The following RAPGEF6 variants were observed in gnomAD, a reference collection of about 807,000 sequenced individuals.
RAPGEF6 encodes Rap guanine nucleotide exchange factor 6.
Under a neutral mutation model 171.4 loss-of-function variants are expected in RAPGEF6, and 56 were observed. The ratio of observed to expected loss-of-function variants is 0.33; its 90% CI spans 0.26 to 0.41. RAPGEF6 has a LOEUF of 0.41. Ranked by LOEUF, RAPGEF6 falls within the 10% of genes least tolerant of loss-of-function variation. The pLI, the probability that RAPGEF6 is intolerant of heterozygous loss-of-function variation, is 1.00. For synonymous variants in RAPGEF6, 692 were observed against 650.1 expected, an observed-to-expected ratio of 1.06 and a Z score of -0.98; for missense variants, 1,674 against 1,921.4, an observed-to-expected ratio of 0.87 and a Z score of 2.41.
chr5:131,460,947 A>C (rs1753883877), intron 19 of RAPGEF6, among the ~76,000 whole-genome samples: 2 of 152,218 alleles, frequency 1.3e-5, no homozygotes, highest in Admixed American at 6.5e-5. Flanking sequence ...TTATAAGCAC[A>C]TCATGGCCTT....
intron 1 of RAPGEF6, among the ~76,000 whole-genome samples, chr5:131,606,029 C>CAAAAAAAAAAAAAAAAAAAAA (rs1168486376): frequency 2.8e-5 from 2 of 70,554 alleles, no homozygotes; most frequent in Admixed American, 1.6e-4. Flanking sequence ...GACTCCATCT[C>CAAAAAAAAAAAAAAAAAAAAA]AAAAAAAAAA....
At chr5:131,521,922 C>G (rs778079911) in intron 6 of RAPGEF6, among the ~76,000 whole-genome samples, 1 of 151,400 alleles carries the variant, frequency 6.6e-6, no homozygotes, top group Non-Finnish European at 1.5e-5. Context: ...CACACTCACT[C>G]TCCCTCCCTC....
intron 3 of RAPGEF6, 61 bp downstream of exon 3, chr5:131,603,210 G>T: frequency 8.4e-7 from 1 of 1,191,694 alleles, no homozygotes; most frequent in African/African-American, 1.5e-5. Flanking sequence ...GAATTTCAAT[G>T]CTAAGAGTTA....
intron 1 of RAPGEF6, among the ~76,000 whole-genome samples, chr5:131,614,539 T>C (rs10040578): frequency 0.63 from 96,194 of 151,916 alleles, 32,334 homozygotes; most frequent in Non-Finnish European, 0.77. Context: ...CTCAAGAGAA[T>C]GAACTCTCAC....
At chr5:131,539,312 T>C (rs1033807725) in intron 6 of RAPGEF6, among the ~76,000 whole-genome samples, 2 of 152,220 alleles carry the variant, frequency 1.3e-5, no homozygotes, top group Admixed American at 6.6e-5. Flanking sequence ...AAAATAAAGT[T>C]CACAATGTTA....
At chr5:131,617,070 C>A (rs1370689416) in intron 1 of RAPGEF6, among the ~76,000 whole-genome samples, 1 of 152,228 alleles carries the variant, frequency 6.6e-6, no homozygotes, top group Non-Finnish European at 1.5e-5. Context: ...CTGTATCATA[C>A]ATACATTCTG....
At chr5:131,567,210 C>T (rs1385766098) in intron 4 of RAPGEF6, among the ~76,000 whole-genome samples, 1 of 151,608 alleles carries the variant, frequency 6.6e-6, no homozygotes, top group Non-Finnish European at 1.5e-5. Flanking sequence ...CAGTCTAACT[C>T]AAAGTTTATC....
intron 6 of RAPGEF6, chr5:131,532,178 TC>T: frequency 2.2e-6 from 1 of 445,588 alleles, no homozygotes; most frequent in Non-Finnish European, 4.5e-6. Context: ...AAGGGTAGTT[TC>T]CTTTTCAAAC....
At chr5:131,514,100 A>C (rs552070640) in intron 7 of RAPGEF6, among the ~76,000 whole-genome samples, 1 of 152,222 alleles carries the variant, frequency 6.6e-6, no homozygotes, top group African/African-American at 2.4e-5. Flanking sequence ...ATAGTAGTAT[A>C]AAAAGAATAA....
chr5:131,556,920 A>G (rs1393794173), intron 5 of RAPGEF6, among the ~76,000 whole-genome samples: 1 of 152,130 alleles, frequency 6.6e-6, no homozygotes, highest in Non-Finnish European at 1.5e-5. Context: ...GTATTTAAAC[A>G]CATTATTTCT....
intron 4 of RAPGEF6, among the ~76,000 whole-genome samples, chr5:131,587,411 A>G (rs1181429442): frequency 1.3e-5 from 2 of 152,246 alleles, no homozygotes; most frequent in African/African-American, 4.8e-5. Flanking sequence ...GAAAAGTAAG[A>G]GAGTAGATTT....
chr5:131,433,800 T>C (rs773679077), intron 24 of RAPGEF6, 142 bp from the exon 25 acceptor site: 104 of 654,208 alleles, frequency 1.6e-4, no homozygotes, highest in Non-Finnish European at 2.5e-4. Flanking sequence ...TCTATGTAGA[T>C]ATAATGGTGC....
intron 1 of RAPGEF6, among the ~76,000 whole-genome samples, chr5:131,628,079 AACCCTACAAT>A (rs1766056111): frequency 1.3e-5 from 2 of 152,210 alleles, no homozygotes. Flanking sequence ...GCCAATTAAT[AACCCTACAAT>A]GGCCCCTAAG....
At chr5:131,472,200 T>G in intron 17 of RAPGEF6, 1 of 283,398 alleles carries the variant, frequency 3.5e-6, no homozygotes, top group Non-Finnish European at 7.0e-6. Context: ...GCCTCCCAAG[T>G]AGCTGGGACT....
intron 7 of RAPGEF6, among the ~76,000 whole-genome samples, chr5:131,511,016 C>A (rs552662660): frequency 1.3e-5 from 2 of 152,172 alleles, no homozygotes; most frequent in African/African-American, 4.8e-5. Flanking sequence ...AAAATAGACC[C>A]ATCGTAAAGG....
At chr5:131,516,486 T>C (rs912994835) in intron 7 of RAPGEF6, among the ~76,000 whole-genome samples, 16 of 152,300 alleles carry the variant, frequency 1.1e-4, no homozygotes, top group African/African-American at 3.4e-4. Flanking sequence ...GAAATCATGT[T>C]GCCATAGAGG....
intron 18 of RAPGEF6, 119 bp from the exon 19 acceptor site, chr5:131,462,207 T>A: frequency 1.2e-6 from 1 of 847,744 alleles, no homozygotes; most frequent in Non-Finnish European, 1.6e-6. Flanking sequence ...CCAAAAATAT[T>A]AATTTACAGA....
At chr5:131,516,391 G>A (rs1202204927) in intron 7 of RAPGEF6, among the ~76,000 whole-genome samples, 1 of 152,146 alleles carries the variant, frequency 6.6e-6, no homozygotes, top group Non-Finnish European at 1.5e-5. Context: ...GAGAACATGT[G>A]GTGACTTGAG....
At chr5:131,451,202 A>T (rs891950061) in intron 21 of RAPGEF6, among the ~76,000 whole-genome samples, 1 of 152,292 alleles carries the variant, frequency 6.6e-6, no homozygotes, top group African/African-American at 2.4e-5. Flanking sequence ...GATGTGCAGG[A>T]AAGAGGAGAT....
Sources: allele counts gnomAD v4.1 joint callset (sites outside exome capture counted in the v4.1 genomes callset), GRCh38; gene constraint gnomAD v4.1.1; transcripts MANE v1.5; gene names NCBI Gene and HGNC (gene_info 2026-07-23, HGNC 2026-07-21).